The following ATP13A5 variants were observed in gnomAD, a reference collection of about 807,000 sequenced individuals.
The protein encoded by ATP13A5 is ATPase 13A5, also known as probable cation-transporting ATPase 13A5.
ATP13A5 carries 149 observed loss-of-function variants against 150.2 expected under a neutral mutation model. The ratio of observed to expected loss-of-function variants is 0.99; its 90% CI spans 0.87 to 1.14. ATP13A5 has a LOEUF of 1.14. Ranked by LOEUF, ATP13A5 falls within the 50% of genes most tolerant of loss-of-function variation. ATP13A5 has a pLI of 0.00. For synonymous variants in ATP13A5, 497 were observed against 522.2 expected (o/e 0.95, Z 0.66); for missense variants, 1,383 against 1,449.3 (o/e 0.95, Z 0.74).
chr3:193,344,903 C>G (rs1246615883), intron 8 of ATP13A5, 100 bp downstream of exon 8: 4 of 1,233,546 alleles, frequency 3.2e-6, no homozygotes, highest in Admixed American at 1.8e-5. Flanking sequence ...TGGGTTCAAT[C>G]TGAAAAGATT....
intron 27 of ATP13A5, 110 bp from the exon 28 acceptor site, chr3:193,279,564 A>C: frequency 1.3e-6 from 1 of 778,152 alleles, no homozygotes; most frequent in Non-Finnish European, 2.2e-6. Context: ...ATATATCTTC[A>C]GATGTTTTGA....
intron 12 of ATP13A5, among the ~76,000 whole-genome samples, chr3:193,330,508 GC>G (rs1329015153): frequency 6.6e-6 from 1 of 152,252 alleles, no homozygotes; most frequent in African/African-American, 2.4e-5. Context: ...CAAATAGCAG[GC>G]AGCTAATGCT....
At chr3:193,329,867 C>T (rs1283753811) in intron 12 of ATP13A5, among the ~76,000 whole-genome samples, 1 of 152,152 alleles carries the variant, frequency 6.6e-6, no homozygotes, top group Non-Finnish European at 1.5e-5. Flanking sequence ...TCAGTCTTGT[C>T]TCCCTTCCAT....
intron 16 of ATP13A5, among the ~76,000 whole-genome samples, chr3:193,320,735 A>G (rs1049681801): frequency 6.6e-6 from 1 of 152,236 alleles, no homozygotes; most frequent in Non-Finnish European, 1.5e-5. Context: ...AGGAGAGTCT[A>G]CATGAAAATC....
At chr3:193,368,466 G>C (rs1446136076) in intron 1 of ATP13A5, among the ~76,000 whole-genome samples, 1 of 151,220 alleles carries the variant, frequency 6.6e-6, no homozygotes, top group Non-Finnish European at 1.5e-5. Flanking sequence ...AAATGCAAAG[G>C]ATGTAGGATA....
chr3:193,348,098 G>C (rs1712417832), intron 7 of ATP13A5, among the ~76,000 whole-genome samples: 1 of 152,140 alleles, frequency 6.6e-6, no homozygotes, highest in Non-Finnish European at 1.5e-5. Context: ...TCCTCTTTGA[G>C]TTAATGCGCT....
At position 193,363,962 on chromosome 3, in the gene ATP13A5, T is replaced by C. The variant is rs538940526; in HGVS notation, c.237+145A>G. ...GGATTGCAGAGGTAATTTTGCCGTA[T>C]TTTCTCCTGTTTTGATCTATGGAAA... On this transcript the variant is annotated intron_variant, in intron 2 of 29. Coordinates refer to ENST00000342358, the MANE Select transcript of ATP13A5 (RefSeq NM_198505.4). The C allele has an allele frequency of 2.1e-4, 192 of 896,588 alleles. 2 individuals are homozygous for C. The highest frequency in any genetic ancestry group is 1.8e-3 in the Middle Eastern group (5 of 2,740). The allele number at this position is 896,588 out of a possible 1,614,324, so 55.5% of individuals were successfully genotyped here.
At chr3:193,278,412 G>T (rs962089477) in intron 28 of ATP13A5, among the ~76,000 whole-genome samples, 9 of 152,054 alleles carry the variant, frequency 5.9e-5, no homozygotes, top group Non-Finnish European at 1.3e-4. Context: ...ATCCATCCAT[G>T]CCTGCCTTTA....
At chr3:193,304,817 A>T (rs558921832) in intron 23 of ATP13A5, among the ~76,000 whole-genome samples, 1 of 152,312 alleles carries the variant, frequency 6.6e-6, no homozygotes, top group South Asian at 2.1e-4. Flanking sequence ...AAGAGGTTTA[A>T]TTGACTTACA....
rs186328114 is a variant in ATP13A5 at position 193,360,377 on chromosome 3, C to T, written c.536+2004G>A. Among the ~76,000 whole-genome samples, 10 of 152,292 alleles carry T rather than the reference C, an allele frequency of 6.6e-5. No individual in the cohort carries two copies. The East Asian group carries it at 1.7e-3, about 26-fold the overall frequency. On this transcript the variant is annotated intron_variant, in intron 5 of 29. Coordinates refer to ENST00000342358, the MANE Select transcript of ATP13A5 (RefSeq NM_198505.4). ...CTATAGCTTTTCATCATCAGAGATT[C>T]TTGTGTATCCCCGTTCATTTCTCAT...
At chr3:193,325,419 C>A (rs1014969381) in intron 13 of ATP13A5, among the ~76,000 whole-genome samples, 1 of 152,184 alleles carries the variant, frequency 6.6e-6, no homozygotes, top group Admixed American at 6.5e-5. Flanking sequence ...TTGTTCTCAA[C>A]AGAATTTTCC....
Position 193,276,740 on chromosome 3 carries a change from ATTACT to A in ATP13A5, c.3396+5_3396+9del, listed in dbSNP as rs1342735707. ...TTATCTTCCTAGAAAAAATATAGAG[ATTACT>A]TTACCTCTACAAAGAAAGCCACACA... On this transcript the variant is annotated splice_donor_5th_base_variant and intron_variant, in intron 29 of 29. Coordinates refer to ENST00000342358, the MANE Select transcript of ATP13A5 (RefSeq NM_198505.4). The A allele has an allele frequency of 6.4e-7, 1 of 1,566,780 alleles. No homozygotes were observed. Among genetic ancestry groups the A allele is most frequent in the Admixed American group, 1.8e-5 (1 of 56,762 alleles).
In ATP13A5 at chr3:193,364,264, C is replaced by G; in HGVS notation, c.80G>C (p.Arg27Pro). Reference protein sequence around the residue: ...EEDELEVFGYRDHNVRKAFCL... With the variant: ...EEDELEVFGYPDHNVRKAFCL... ...GAAGGCTTTCCGTACATTGTGGTCC[C>G]GGTAACCAAACACCTCCTGGAGAAT... The change falls in exon 2 of 30, where the codon CGG becomes CCG. Residue 27 changes from arginine (R) to proline (P), a missense_variant. Physicochemically the swap from Arg to Pro is moderately radical, Grantham distance 103. Around this residue, in one of 3 missense-constraint regions of ATP13A5, gnomAD observed 787 missense variants for 771.9 expected, o/e 1.02. Coordinates refer to ENST00000342358, the MANE Select transcript of ATP13A5 (RefSeq NM_198505.4). 6.2e-7 allele frequency: 1 copy of G among 1,613,188 alleles called. No individual in the cohort carries two copies. Among genetic ancestry groups the G allele is most frequent in the South Asian group, 1.1e-5 (1 of 90,918 alleles).
chr3:193,306,632 A>G (rs1156736736), intron 22 of ATP13A5, among the ~76,000 whole-genome samples: 2 of 152,210 alleles, frequency 1.3e-5, no homozygotes, highest in African/African-American at 2.4e-5. Flanking sequence ...CTTGTCCCAT[A>G]AATCAGCTAC....
chr3:193,329,172 C>T (rs1386444938), intron 12 of ATP13A5, among the ~76,000 whole-genome samples: 5 of 151,526 alleles, frequency 3.3e-5, no homozygotes, highest in Admixed American at 6.6e-5. Context: ...ACCCAGGATG[C>T]GGAGGCTGTA....
At chr3:193,359,562 C>T (rs971549163) in intron 5 of ATP13A5, among the ~76,000 whole-genome samples, 1 of 152,212 alleles carries the variant, frequency 6.6e-6, no homozygotes, top group African/African-American at 2.4e-5. Flanking sequence ...CCTTTTCTCT[C>T]AATGCTGTGG....
At chr3:193,343,807 CTG>C in intron 9 of ATP13A5, 118 bp downstream of exon 9, 1 of 1,158,794 alleles carries the variant, frequency 8.6e-7, no homozygotes, top group Non-Finnish European at 1.2e-6. Flanking sequence ...CAAAGGCTGG[CTG>C]TGTCTCCCTC....
intron 5 of ATP13A5, among the ~76,000 whole-genome samples, chr3:193,360,341 G>A (rs1712958180): frequency 6.6e-6 from 1 of 152,170 alleles, no homozygotes; most frequent in African/African-American, 2.4e-5. Flanking sequence ...GAAAAAGTTT[G>A]CATGTAAACT....
In ATP13A5 at chr3:193,332,751, C is replaced by T. The variant is rs181489529; in HGVS notation, c.1272+999G>A. ...GTGCAGATAGAGGCAGCCAACAGAG[C>T]CACAGGTTCTGACCCACAAGAAGTT... On this transcript the variant is annotated intron_variant, in intron 11 of 29. Coordinates refer to ENST00000342358, the MANE Select transcript of ATP13A5 (RefSeq NM_198505.4). Among the ~76,000 whole-genome samples the T allele has an allele frequency of 4.1e-4, 62 of 152,238 alleles. 1 individual carries two copies. The highest frequency in any genetic ancestry group is 4.0e-3 in the Admixed American group (61 of 15,282).
Sources: allele counts gnomAD v4.1 joint callset (sites outside exome capture counted in the v4.1 genomes callset), GRCh38; gene constraint gnomAD v4.1.1; regional missense constraint gnomAD v4.1.1; transcripts MANE v1.5; gene names NCBI Gene and HGNC (gene_info 2026-07-23, HGNC 2026-07-21).